The following TMEM132B variants were observed in gnomAD, a reference collection of about 807,000 sequenced individuals.
The protein encoded by TMEM132B is transmembrane protein 132B.
A neutral mutation model predicts 90.8 loss-of-function variants in TMEM132B; 18 were observed. The observed-to-expected ratio is 0.20, with a 90% CI of 0.14 to 0.29. TMEM132B has a LOEUF of 0.29. Ranked by LOEUF, TMEM132B falls within the 10% of genes least tolerant of loss-of-function variation. The probability of loss-of-function intolerance (pLI) is 1.00; values close to 1 mark genes in which losing one functional copy is unlikely to be tolerated. For missense variants in TMEM132B, 1,096 were observed against 1,326.8 expected, an observed-to-expected ratio of 0.83 and a Z score of 2.70; for synonymous variants, 504 against 523.3, an observed-to-expected ratio of 0.96 and a Z score of 0.50.
rs116611125 is a variant in TMEM132B at position 125,523,224 on chromosome 12, C to G, written c.1293+3599C>G. Among the ~76,000 whole-genome samples the G allele has an allele frequency of 6.4e-3, 980 of 152,254 alleles. 9 individuals are homozygous for G. The highest frequency in any genetic ancestry group is 0.022 in the African/African-American group (909 of 41,532). On this transcript the variant is annotated intron_variant, in intron 4 of 8. Transcript: ENST00000682704. ...CCTACAGATTTATTCTCTTAGAGTT[C>G]TGGAGGTCAGAAGTCTTAAGTAGGT...
intron 3 of TMEM132B, among the ~76,000 whole-genome samples, chr12:125,446,160 T>G (rs1160629615): frequency 6.6e-6 from 1 of 152,238 alleles, no homozygotes; most frequent in Non-Finnish European, 1.5e-5. Flanking sequence ...GTTATTTGTT[T>G]TAAATTTTTT....
At chr12:125,646,977 C>G (rs528954773) in intron 6 of TMEM132B, among the ~76,000 whole-genome samples, 1 of 151,916 alleles carries the variant, frequency 6.6e-6, no homozygotes, top group Non-Finnish European at 1.5e-5. Flanking sequence ...AGCCTTGGAA[C>G]CAATTAAAAT....
intron 1 of TMEM132B, among the ~76,000 whole-genome samples, chr12:125,232,788 A>C (rs1034665707): frequency 1.3e-5 from 2 of 152,196 alleles, no homozygotes; most frequent in Non-Finnish European, 2.9e-5. Context: ...TGAAATGGCT[A>C]TGTTGTTCTT....
intron 2 of TMEM132B, among the ~76,000 whole-genome samples, chr12:125,387,380 G>C (rs1346775748): frequency 6.6e-6 from 1 of 152,146 alleles, no homozygotes. Context: ...AGAATAGTTG[G>C]GTCTCTTATC....
At chr12:125,633,921 AT>A (rs772681311) in intron 5 of TMEM132B, among the ~76,000 whole-genome samples, 1 of 152,238 alleles carries the variant, frequency 6.6e-6, no homozygotes, top group Non-Finnish European at 1.5e-5. Context: ...TGCTGTAACC[AT>A]TCCCTAGCTA....
At chr12:125,552,290 C>T (rs561069054) in intron 4 of TMEM132B, among the ~76,000 whole-genome samples, 1 of 152,304 alleles carries the variant, frequency 6.6e-6, no homozygotes, top group Admixed American at 6.5e-5. Context: ...AGCTTGTGTT[C>T]TTCTGCAGGG....
chr12:125,234,869 C>T (rs1873899028), intron 1 of TMEM132B, among the ~76,000 whole-genome samples: 1 of 152,082 alleles, frequency 6.6e-6, no homozygotes. Flanking sequence ...AGGGTGCAGG[C>T]TGTTGTGGGG....
chr12:125,571,665 C>T (rs1212332474), intron 4 of TMEM132B, among the ~76,000 whole-genome samples: 1 of 152,104 alleles, frequency 6.6e-6, no homozygotes, highest in African/African-American at 2.4e-5. Context: ...TCCCAAATAC[C>T]TTCACTAAAA....
chr12:125,593,022 T>G (rs1885354327), intron 5 of TMEM132B, among the ~76,000 whole-genome samples: 1 of 152,244 alleles, frequency 6.6e-6, no homozygotes, highest in Non-Finnish European at 1.5e-5. Context: ...AGGCTATTTC[T>G]TTCCCCTTTA....
intron 1 of TMEM132B, among the ~76,000 whole-genome samples, chr12:125,254,666 T>G (rs1298521374): frequency 6.7e-6 from 1 of 150,154 alleles, no homozygotes; most frequent in Non-Finnish European, 1.5e-5. Flanking sequence ...GGAATGGGCC[T>G]AGGAGCCTCT....
chr12:125,601,755 A>G (rs55992559), intron 5 of TMEM132B, among the ~76,000 whole-genome samples: 3,050 of 152,004 alleles, frequency 0.02, 104 homozygotes, highest in African/African-American at 0.069. Context: ...AATCAAATAG[A>G]CACAATAAAA....
Position 125,294,795 on chromosome 12 carries a change from T to C in TMEM132B, c.68-54657T>C, listed in dbSNP as rs142916496. Among the ~76,000 whole-genome samples the C allele has an allele frequency of 4.2e-4, 64 of 152,310 alleles. 1 individual carries two copies. In the East Asian group the frequency reaches 6.2e-3, roughly 15 times the overall value. The stretch of plus-strand genomic sequence containing the variant: ...GCAGGAGAATGATTGAGAAAATCTG[T>C]GGAAGAGCCATGCCATGGCATATTA... On this transcript the variant is annotated intron_variant, in intron 1 of 8. Transcript: ENST00000682704.
At chr12:125,422,513 C>T (rs1476556664) in intron 3 of TMEM132B, among the ~76,000 whole-genome samples, 1 of 152,208 alleles carries the variant, frequency 6.6e-6, no homozygotes, top group Non-Finnish European at 1.5e-5. Context: ...GGTAGGTGGT[C>T]AAAGCATGCC....
In TMEM132B at chr12:125,515,776, G is replaced by A. The variant is rs535810173; in HGVS notation, c.1107-3663G>A. Among the ~76,000 whole-genome samples, 6 of 149,328 alleles carry A rather than the reference G, an allele frequency of 4.0e-5. No homozygotes were observed. In the East Asian group the frequency reaches 1.0e-3, roughly 26 times the overall value. ...TATTCACACATTCTCACACACATTT[G>A]CACATCTCTTTCACATTCACACAAA... On this transcript the variant is annotated intron_variant, in intron 3 of 8. Transcript: ENST00000682704.
chr12:125,282,898 A>G (rs2136133671), intron 1 of TMEM132B, among the ~76,000 whole-genome samples: 1 of 152,284 alleles, frequency 6.6e-6, no homozygotes, highest in South Asian at 2.1e-4. Flanking sequence ...TCCTTGAACA[A>G]CCATTCCAAT....
intron 1 of TMEM132B, among the ~76,000 whole-genome samples, chr12:125,221,329 G>A (rs537648469): frequency 6.6e-6 from 1 of 152,318 alleles, no homozygotes; most frequent in Non-Finnish European, 1.5e-5. Context: ...TCTACTCAGT[G>A]CATGAGGATT....
chr12:125,653,793 A>G lies in TMEM132B; in HGVS notation c.2335A>G (p.Arg779Gly). 1 of 1,614,230 alleles carries G rather than the reference A, an allele frequency of 6.2e-7. No individual in the cohort carries two copies. Among genetic ancestry groups the G allele is most frequent in the Non-Finnish European group, 8.5e-7 (1 of 1,180,046 alleles). ...AAGTGAACCTTGTCAGAAGACCAAG[A>G]GGAAGAGTGTTCTTGCCGTGGGTAA... ...MISEPCQKTK[R>G]KSVLAVGKGN... The change falls in exon 9 of 9, where the codon AGG becomes GGG. Residue 779 changes from arginine (R) to glycine (G), a missense_variant. Physicochemically the swap from Arg to Gly is moderately radical, Grantham distance 125. Transcript: ENST00000682704.
intron 2 of TMEM132B, among the ~76,000 whole-genome samples, chr12:125,384,108 G>A (rs1388172663): frequency 2.0e-5 from 3 of 151,972 alleles, no homozygotes; most frequent in Non-Finnish European, 2.9e-5. Context: ...CACCATGTCC[G>A]GCTAATTTTT....
chr12:125,603,753 G>T (rs1174206090), intron 5 of TMEM132B, among the ~76,000 whole-genome samples: 2 of 151,804 alleles, frequency 1.3e-5, no homozygotes, highest in African/African-American at 4.8e-5. Context: ...AAATTTACAA[G>T]AAAAAAACAA....
Sources: allele counts gnomAD v4.1 joint callset (sites outside exome capture counted in the v4.1 genomes callset), GRCh38; gene constraint gnomAD v4.1.1; transcripts MANE v1.5; gene names NCBI Gene and HGNC (gene_info 2026-07-23, HGNC 2026-07-21).